Variants in RAB36 observed in about 807,000 individuals in gnomAD.
RAB36 encodes the protein ras-related protein Rab-36.
In RAB36, 33 loss-of-function variants were observed where a neutral mutation model predicts 39.3. That is an observed-to-expected ratio of 0.84 (90% confidence interval 0.64 to 1.12). RAB36 has a LOEUF of 1.12. Ranked by LOEUF, RAB36 falls within the 50% of genes most tolerant of loss-of-function variation. RAB36 has a pLI of 0.00. For synonymous variants in RAB36, 133 were observed against 140.2 expected (o/e 0.95, Z 0.36); for missense variants, 308 against 355.3 (o/e 0.87, Z 1.07).
chr22:23,156,701 T>G (rs2071471654), intron 6 of RAB36, among the ~76,000 whole-genome samples: 1 of 152,264 alleles, frequency 6.6e-6, no homozygotes, highest in Non-Finnish European at 1.5e-5. Flanking sequence ...CAACATTTTC[T>G]TTTAGACTTA....
At chr22:23,161,445 A>C in intron 10 of RAB36, 55 bp from the exon 11 acceptor site, 2 of 1,451,394 alleles carry the variant, frequency 1.4e-6, no homozygotes, top group Non-Finnish European at 1.9e-6. Context: ...TCCCCTGCCC[A>C]GTGTCAGCTA....
In RAB36 at chr22:23,158,113, C is replaced by G. The variant is rs1395012684; in HGVS notation, c.446+70C>G. 6.3e-6 allele frequency: 10 copies of G among 1,594,670 alleles called. No homozygotes were observed. In the East Asian group the frequency reaches 2.0e-4, roughly 32 times the overall value. ...AAGCTGCCTGGAAGGGCTCCCAGAC[C>G]CTGGCCAGTGGACCCTGACCCCGTG... On this transcript the variant is annotated intron_variant, in intron 7 of 10. Coordinates refer to ENST00000263116, the MANE Select transcript of RAB36 (RefSeq NM_004914.5).
chr22:23,149,993 C>A, intron 2 of RAB36, 70 bp from the exon 3 acceptor site: 1 of 1,240,302 alleles, frequency 8.1e-7, no homozygotes, highest in Non-Finnish European at 1.2e-6. Flanking sequence ...CATCTCCCCT[C>A]ACTGCTTGGC....
At chr22:23,159,385 A>G (rs2146585862) in intron 9 of RAB36, 132 bp downstream of exon 9, 3 of 862,272 alleles carry the variant, frequency 3.5e-6, no homozygotes, top group East Asian at 5.4e-5. Context: ...GCACACTGGC[A>G]TCACAGCCCT....
chr22:23,161,847 C>CCG lies in RAB36; in HGVS notation c.*283_*284insCG. ...ATCCCATAAAAGGCCAGTCCATTTGCAGGGTCATCAGACAGTCACCTTTGG... is the reference window on the plus strand; with the variant it reads ...ATCCCATAAAAGGCCAGTCCATTTGCCGAGGGTCATCAGACAGTCACCTTTGG... On this transcript the variant is annotated 3_prime_UTR_variant, in exon 11 of 11. Transcript: ENST00000263116. The CCG allele has an allele frequency of 2.3e-6, 1 of 438,410 alleles. No homozygotes were observed. The highest frequency in any genetic ancestry group is 3.8e-5 in the Admixed American group (1 of 26,258). 27.2% of individuals were successfully genotyped at this position (438,410 alleles called of 1,614,324 possible).
At chr22:23,155,112 C>T (rs1037447440) in intron 5 of RAB36, among the ~76,000 whole-genome samples, 16 of 152,018 alleles carry the variant, frequency 1.1e-4, no homozygotes, top group African/African-American at 1.2e-4. Flanking sequence ...GCAATAAGAG[C>T]GAAACTCCAC....
chr22:23,147,051 G>A (rs1295042191), intron 2 of RAB36, among the ~76,000 whole-genome samples: 13 of 152,154 alleles, frequency 8.5e-5, no homozygotes, highest in Non-Finnish European at 1.9e-4. Flanking sequence ...CCTGGCTCAT[G>A]GTATGCAGGA....
At chr22:23,155,538 C>T (rs1321205838) in intron 5 of RAB36, among the ~76,000 whole-genome samples, 1 of 152,200 alleles carries the variant, frequency 6.6e-6, no homozygotes, top group Non-Finnish European at 1.5e-5. Flanking sequence ...CCAGTCACAC[C>T]CATCACCCAA....
chr22:23,158,647 G>T (rs966007318), intron 7 of RAB36, among the ~76,000 whole-genome samples: 7 of 152,236 alleles, frequency 4.6e-5, no homozygotes. Context: ...CACCGGGAGA[G>T]GCCAGAGGTG....
chr22:23,148,249 T>A (rs2070915050), intron 2 of RAB36, among the ~76,000 whole-genome samples: 1 of 152,090 alleles, frequency 6.6e-6, no homozygotes, highest in Non-Finnish European at 1.5e-5. Context: ...TCCCCATGGG[T>A]TTTCCATCTC....
chr22:23,159,264 C>T lies in RAB36; in HGVS notation c.619+11C>T. Reference sequence around the variant, plus strand: ...TGTCGGCCAAGACTGGTGAGTGGGCCAGGGCTGTCACCATGGTGGGGCAGA... The same window carrying T: ...TGTCGGCCAAGACTGGTGAGTGGGCTAGGGCTGTCACCATGGTGGGGCAGA... On this transcript the variant is annotated intron_variant, in intron 9 of 10. Transcript: ENST00000263116. The T allele has an allele frequency of 6.4e-7, 1 of 1,572,646 alleles. No individual in the cohort carries two copies. Among genetic ancestry groups the T allele is most frequent in the South Asian group, 1.2e-5 (1 of 85,646 alleles).
chr22:23,145,527 GC>G lies in RAB36; in HGVS notation c.-33del. 1 of 1,603,402 alleles carries G rather than the reference GC, an allele frequency of 6.2e-7. No homozygotes were observed. ...GCTCAGGCGGACCAGGCCGCGCGGAGCCCCAGCTTTCACAGCCATCGCTGGT... is the reference window on the plus strand; with the variant it reads ...GCTCAGGCGGACCAGGCCGCGCGGAGCCCAGCTTTCACAGCCATCGCTGGT... On this transcript the variant is annotated 5_prime_UTR_variant, in exon 1 of 11. Coordinates refer to ENST00000263116, the MANE Select transcript of RAB36 (RefSeq NM_004914.5).
chr22:23,150,658 T>A (rs1039936393), intron 3 of RAB36, among the ~76,000 whole-genome samples: 8 of 152,102 alleles, frequency 5.3e-5, no homozygotes, highest in Non-Finnish European at 1.2e-4. Context: ...GGAACAACTT[T>A]CCCTCTTCTA....
chr22:23,165,580 A>C lies in RAB36; in HGVS notation c.*4016A>C, dbSNP rs2146624656. Among the ~76,000 whole-genome samples, 2 of 152,350 alleles carry C rather than the reference A, an allele frequency of 1.3e-5. No homozygotes were observed. The highest frequency in any genetic ancestry group is 4.1e-4 in the South Asian group (2 of 4,830). ...GAAAGAATTGGACTTCGGGCAGAAA[A>C]ATGTTTGTGCTATTTAGTACTATGT... is the stretch of plus-strand genomic sequence containing the variant. On this transcript the variant is annotated 3_prime_UTR_variant, in exon 11 of 11. Transcript: ENST00000263116.
rs71744650 is a variant in RAB36, at chr22:23,163,606, G to GCCCCCCCCCCCCCC, written c.*2052_*2053insCCCCCCCCCCCCCC. Reference sequence around the variant, plus strand: ...AAAGCATATAAAATACAAGGTGAAAGCCCCCCCCCCGCCACATTAGCTGCG... The same window carrying GCCCCCCCCCCCCCC: ...AAAGCATATAAAATACAAGGTGAAAGCCCCCCCCCCCCCCCCCCCCCCCCGCCACATTAGCTGCG... On this transcript the variant is annotated 3_prime_UTR_variant, in exon 11 of 11. Coordinates refer to ENST00000263116, the MANE Select transcript of RAB36 (RefSeq NM_004914.5). 50 of 125,288 alleles carry GCCCCCCCCCCCCCC rather than the reference G, an allele frequency of 4.0e-4. 2 individuals carry two copies. Among genetic ancestry groups the GCCCCCCCCCCCCCC allele is most frequent in the Admixed American group, 5.8e-4 (7 of 12,128 alleles). 7.8% of individuals were successfully genotyped at this position (125,288 alleles called of 1,614,324 possible). A position where few individuals can be genotyped will look rare whatever the true frequency, so the allele number is the denominator to read the frequency against.
At chr22:23,156,899 G>A (rs1601930918) in intron 6 of RAB36, among the ~76,000 whole-genome samples, 2 of 152,124 alleles carry the variant, frequency 1.3e-5, no homozygotes, top group South Asian at 2.1e-4. Context: ...CCTGGCTGCC[G>A]TCATCCCTTT....
chr22:23,146,855 G>A (rs5751591), intron 2 of RAB36, among the ~76,000 whole-genome samples, 170 bp downstream of exon 2: 93,541 of 151,978 alleles, frequency 0.62, 29,331 homozygotes, highest in East Asian at 0.96. Flanking sequence ...AGGTGGGACC[G>A]CAAGTTAATG....
In RAB36 at chr22:23,162,659, C is replaced by T. The variant is rs900054597; in HGVS notation, c.*1095C>T. On this transcript the variant is annotated 3_prime_UTR_variant, in exon 11 of 11. Coordinates refer to ENST00000263116, the MANE Select transcript of RAB36 (RefSeq NM_004914.5). ...GGGTTTTCTCACTGCTATGAACCAG[C>T]CCCACAGCCCCAGGCCCCTGTCACC... 6.6e-6 allele frequency: 3 copies of T among 456,206 alleles called. No individual in the cohort carries two copies. Among genetic ancestry groups the T allele is most frequent in the African/African-American group, 6.0e-5 (3 of 50,054 alleles). 28.3% of individuals were successfully genotyped at this position (456,206 alleles called of 1,614,324 possible).
At position 23,146,659 on chromosome 22, in the gene RAB36, G is replaced by A. The variant is rs144317144; in HGVS notation, c.43G>A (p.Asp15Asn). ...LTPLGPPVSR[D>N]RVIASFPKWY... ...ACCTTTGGGGCCCCCTGTGAGCCGC[G>A]ACCGTGTCATCGCCAGCTTCCCTAA... is the stretch of plus-strand genomic sequence containing the variant. Residue 15 changes from aspartate (D) to asparagine (N), a missense_variant, in exon 2 of 11, where the codon GAC becomes AAC. Transcript: ENST00000263116. The A allele has an allele frequency of 2.2e-5, 36 of 1,613,880 alleles. No homozygotes were observed. Among genetic ancestry groups the A allele is most frequent in the African/African-American group, 4.0e-5 (3 of 74,912 alleles).
Sources: allele counts gnomAD v4.1 joint callset (sites outside exome capture counted in the v4.1 genomes callset), GRCh38; gene constraint gnomAD v4.1.1; transcripts MANE v1.5; gene names NCBI Gene and HGNC (gene_info 2026-07-23, HGNC 2026-07-21).